Variants in UBASH3B observed in about 807,000 individuals in gnomAD.
UBASH3B encodes ubiquitin associated and SH3 domain containing B.
Under a neutral mutation model 83.4 loss-of-function variants are expected in UBASH3B, and 37 were observed. That is an observed-to-expected ratio of 0.44 (90% confidence interval 0.34 to 0.58). The LOEUF is 0.58. Ranked by LOEUF, UBASH3B falls within the 20% of genes least tolerant of loss-of-function variation. The pLI, the probability that UBASH3B is intolerant of heterozygous loss-of-function variation, is 0.01. For missense variants in UBASH3B, 657 were observed against 827.2 expected (o/e 0.79, Z 2.52); for synonymous variants, 304 against 318.3 (o/e 0.96, Z 0.48).
intron 1 of UBASH3B, among the ~76,000 whole-genome samples, chr11:122,715,372 A>G (rs1267408889): frequency 6.6e-6 from 1 of 152,222 alleles, no homozygotes; most frequent in African/African-American, 2.4e-5. Context: ...GCTGCCATCA[A>G]AAGTTGCCTC....
At chr11:122,768,508 G>GTGTATATATA (rs557159523) in intron 1 of UBASH3B, among the ~76,000 whole-genome samples, 3 of 134,318 alleles carry the variant, frequency 2.2e-5, no homozygotes, top group Non-Finnish European at 4.7e-5. Flanking sequence ...GTGTGTGTGT[G>GTGTATATATA]TATATATATA....
chr11:122,776,077 C>A, intron 1 of UBASH3B, 142 bp from the exon 2 acceptor site: 1 of 653,820 alleles, frequency 1.5e-6, no homozygotes, highest in Non-Finnish European at 2.6e-6. Flanking sequence ...TGGGGGAAAA[C>A]CTGCTGCAGG....
chr11:122,673,061 T>C (rs575540875), intron 1 of UBASH3B, among the ~76,000 whole-genome samples: 3 of 152,332 alleles, frequency 2.0e-5, no homozygotes, highest in African/African-American at 7.2e-5. Context: ...CATTCGCTGG[T>C]TGGGCAAGCG....
chr11:122,723,500 G>A (rs576444674), intron 1 of UBASH3B, among the ~76,000 whole-genome samples: 1 of 152,320 alleles, frequency 6.6e-6, no homozygotes, highest in South Asian at 2.1e-4. Flanking sequence ...TTGCTCACCA[G>A]CAAAAGGCCA....
At chr11:122,757,517 A>T (rs894258656) in intron 1 of UBASH3B, among the ~76,000 whole-genome samples, 1 of 152,114 alleles carries the variant, frequency 6.6e-6, no homozygotes, top group Non-Finnish European at 1.5e-5. Context: ...CATATACCTG[A>T]TACATCTAGA....
In UBASH3B at chr11:122,777,165, G is replaced by A; in HGVS notation, c.357G>A (p.Lys119=). The A allele has an allele frequency of 6.2e-7, 1 of 1,613,994 alleles. No homozygotes were observed. Among genetic ancestry groups the A allele is most frequent in the Non-Finnish European group, 8.5e-7 (1 of 1,179,926 alleles). ...CGAAGCAGATCTGCGGGAAGAACAA[G>A]GCACACAACATCTTCCCCCACATCA... ...QQSKQICGKN[K]AHNIFPHITL... is the part of the protein sequence containing the mutation. Residue 119 remains lysine (K), a synonymous_variant, in exon 3 of 14, where the codon AAG becomes AAA. Transcript: ENST00000284273.
At chr11:122,730,252 G>A (rs2135952117) in intron 1 of UBASH3B, among the ~76,000 whole-genome samples, 1 of 152,324 alleles carries the variant, frequency 6.6e-6, no homozygotes, top group East Asian at 1.9e-4. Flanking sequence ...CTTGGTGGCT[G>A]TGGAAGAAGT....
At chr11:122,782,261 G>T (rs1455575510) in intron 4 of UBASH3B, 1 of 151,472 alleles carries the variant, frequency 6.6e-6, no homozygotes, top group Non-Finnish European at 1.5e-5. Flanking sequence ...AAAAGTACCA[G>T]AGAGAGAAAA....
chr11:122,656,172 G>C lies in UBASH3B; in HGVS notation c.123G>C (p.Leu41=), dbSNP rs915450846. 7.7e-6 allele frequency: 12 copies of C among 1,554,246 alleles called. No individual in the cohort carries two copies. In the East Asian group the frequency reaches 3.0e-4, roughly 39 times the overall value. The change falls in exon 1 of 14, where the codon CTG becomes CTC. Residue 41 remains leucine, a synonymous_variant. Coordinates refer to ENST00000284273, the MANE Select transcript of UBASH3B (RefSeq NM_032873.5). Reference sequence around the variant, plus strand: ...GCACCATCAAGCATGGATCGGCGCTGGACGTGCTCCTCTCCATGGGGTTCC... The same window carrying C: ...GCACCATCAAGCATGGATCGGCGCTCGACGTGCTCCTCTCCATGGGGTTCC... The part of the protein sequence containing the change: ...RPGTIKHGSA[L]DVLLSMGFPR...
At position 122,801,183 on chromosome 11, in the gene UBASH3B, C is replaced by T. The variant is rs1470755502; in HGVS notation, c.1451-5C>T. 1 of 1,613,986 alleles carries T rather than the reference C, an allele frequency of 6.2e-7. No individual in the cohort carries two copies. Reference sequence around the variant, plus strand: ...TCTTCATCTTCACTGTATTTTACCCCTAAGGTTTACAACAAGAAAATCACT... The same window carrying T: ...TCTTCATCTTCACTGTATTTTACCCTTAAGGTTTACAACAAGAAAATCACT... On this transcript the variant is annotated splice_region_variant and splice_polypyrimidine_tract_variant and intron_variant, in intron 10 of 13. Transcript: ENST00000284273.
At chr11:122,779,423 A>C in intron 3 of UBASH3B, 74 bp from the exon 4 acceptor site, 1 of 1,529,906 alleles carries the variant, frequency 6.5e-7, no homozygotes, top group East Asian at 2.2e-5. Context: ...TGGGGAGAGG[A>C]TGCCAATGTT....
chr11:122,699,590 T>C (rs1864015777), intron 1 of UBASH3B, among the ~76,000 whole-genome samples: 1 of 146,732 alleles, frequency 6.8e-6, no homozygotes, highest in Admixed American at 6.7e-5. Context: ...TTCTTTCCTT[T>C]CTTTTTTTTT....
At chr11:122,778,649 G>A (rs1486656639) in intron 3 of UBASH3B, among the ~76,000 whole-genome samples, 1 of 147,194 alleles carries the variant, frequency 6.8e-6, no homozygotes, top group African/African-American at 2.5e-5. Flanking sequence ...CTGTCACTCA[G>A]GCTGGAGTGC....
At position 122,810,039 on chromosome 11, in the gene UBASH3B, T is replaced by G; in HGVS notation, c.*153T>G. 1 of 894,298 alleles carries G rather than the reference T, an allele frequency of 1.1e-6. No individual in the cohort carries two copies. The highest frequency in any genetic ancestry group is 1.6e-6 in the Non-Finnish European group (1 of 610,158). The allele number at this position is 894,298 out of a possible 1,614,324, so 55.4% of individuals were successfully genotyped here. On this transcript the variant is annotated 3_prime_UTR_variant, in exon 14 of 14. Coordinates refer to ENST00000284273, the MANE Select transcript of UBASH3B (RefSeq NM_032873.5). Reference sequence around the variant, plus strand: ...ACTTAAAGTTCTTAAGATGAGACTGTGTAAATGAGAGAAAGACTTGATTCA... The same window carrying G: ...ACTTAAAGTTCTTAAGATGAGACTGGGTAAATGAGAGAAAGACTTGATTCA...
intron 1 of UBASH3B, among the ~76,000 whole-genome samples, chr11:122,694,255 G>C (rs979354603): frequency 6.6e-6 from 1 of 152,078 alleles, no homozygotes; most frequent in Non-Finnish European, 1.5e-5. Flanking sequence ...CTGGCAGGGA[G>C]GGGATGTAAC....
chr11:122,767,062 G>A (rs1217811051), intron 1 of UBASH3B, among the ~76,000 whole-genome samples: 1 of 152,066 alleles, frequency 6.6e-6, no homozygotes, highest in Non-Finnish European at 1.5e-5. Context: ...GGCGGATCAC[G>A]AGGTCACGAG....
intron 1 of UBASH3B, among the ~76,000 whole-genome samples, chr11:122,705,866 A>C (rs944547682): frequency 6.6e-6 from 1 of 152,096 alleles, no homozygotes; most frequent in Non-Finnish European, 1.5e-5. Flanking sequence ...CTCTGACTAA[A>C]TCAATCCGCA....
intron 1 of UBASH3B, among the ~76,000 whole-genome samples, chr11:122,715,802 CAA>C (rs992155421): frequency 5.9e-5 from 9 of 152,356 alleles, no homozygotes; most frequent in Admixed American, 5.9e-4. Context: ...TCTGTAACCA[CAA>C]AGAGAGAGGT....
At chr11:122,799,091 C>T in intron 10 of UBASH3B, 57 bp downstream of exon 10, 8 of 1,412,708 alleles carry the variant, frequency 5.7e-6, no homozygotes, top group Non-Finnish European at 8.0e-6. Context: ...CTAGGCAGCC[C>T]CACACATAAA....
Sources: gnomAD v4.1 joint callset for allele counts (sites outside exome capture counted in the v4.1 genomes callset) on GRCh38, gnomAD v4.1.1 for gene constraint, MANE v1.5 for transcripts, NCBI Gene and HGNC (gene_info 2026-07-23, HGNC 2026-07-21) for gene names.